Variants in THRB observed in about 807,000 individuals in gnomAD.
The protein encoded by THRB is nuclear receptor subfamily 1 group A member 2.
In THRB, 12 loss-of-function variants were observed where a neutral mutation model predicts 47.8. That is an observed-to-expected ratio of 0.25 (90% confidence interval 0.16 to 0.41). THRB has a LOEUF of 0.41. Ranked by LOEUF, THRB falls within the 10% of genes least tolerant of loss-of-function variation. The probability of loss-of-function intolerance (pLI) is 1.00; values close to 1 mark genes in which losing one functional copy is unlikely to be tolerated. For missense variants in THRB, 348 were observed against 589.2 expected (o/e 0.59, Z 4.24); for synonymous variants, 218 against 212.2 (o/e 1.03, Z -0.24).
chr3:24,355,369 C>T (rs902171066), intron 1 of THRB, among the ~76,000 whole-genome samples: 5 of 152,094 alleles, frequency 3.3e-5, no homozygotes, highest in African/African-American at 9.7e-5. Context: ...TGAGACATGA[C>T]GACCAAATGC....
intron 1 of THRB, among the ~76,000 whole-genome samples, chr3:24,340,468 T>C (rs550471367): frequency 4.0e-5 from 6 of 150,962 alleles, no homozygotes; most frequent in South Asian, 2.1e-4. Context: ...GCTAGATTGA[T>C]TGCATTGTAT....
intron 1 of THRB, among the ~76,000 whole-genome samples, chr3:24,351,455 T>C (rs996308414): frequency 1.3e-5 from 2 of 152,128 alleles, no homozygotes; most frequent in Non-Finnish European, 2.9e-5. Flanking sequence ...CATTGTCTTC[T>C]AGACAATGGT....
chr3:24,289,322 A>G (rs1250890010), intron 3 of THRB, among the ~76,000 whole-genome samples: 1 of 152,276 alleles, frequency 6.6e-6, no homozygotes. Context: ...AAAGACAAAC[A>G]CAAGTTCAAA....
At chr3:24,357,867 C>T (rs553894325) in intron 1 of THRB, among the ~76,000 whole-genome samples, 1 of 152,202 alleles carries the variant, frequency 6.6e-6, no homozygotes, top group Non-Finnish European at 1.5e-5. Flanking sequence ...TTTTGTTTTT[C>T]TGAAAACTTT....
chr3:24,477,701 C>T lies in THRB; in HGVS notation c.-261+16951G>A, dbSNP rs371758525. On this transcript the variant is annotated intron_variant, in intron 1 of 10. Transcript: ENST00000646209. ...AAAGCAAGGGTCCTAACGCAGGATA[C>T]GTACAGCACACACAAGGCAGCAAAA... is the stretch of plus-strand genomic sequence containing the variant. Among the ~76,000 whole-genome samples the T allele has an allele frequency of 7.9e-5, 12 of 152,050 alleles. No homozygotes were observed. The South Asian group carries it at 2.3e-3, about 29-fold the overall frequency.
chr3:24,209,137 G>A (rs537788714), intron 4 of THRB, among the ~76,000 whole-genome samples: 77 of 152,282 alleles, frequency 5.1e-4, no homozygotes, highest in African/African-American at 1.6e-3. Flanking sequence ...ACAATGAGAT[G>A]CCATCTCACA....
At chr3:24,123,342 A>C (rs1012420802) in intron 10 of THRB, among the ~76,000 whole-genome samples, 1 of 152,220 alleles carries the variant, frequency 6.6e-6, no homozygotes, top group Non-Finnish European at 1.5e-5. Flanking sequence ...TCAGATAAAT[A>C]TCTCTGTTTA....
chr3:24,129,933 TG>T (rs1334820399), intron 9 of THRB, among the ~76,000 whole-genome samples: 6 of 152,204 alleles, frequency 3.9e-5, no homozygotes, highest in African/African-American at 1.4e-4. Context: ...ACAATTATCA[TG>T]AACACAGTTT....
At chr3:24,467,480 G>T (rs943453981) in intron 1 of THRB, among the ~76,000 whole-genome samples, 1 of 152,134 alleles carries the variant, frequency 6.6e-6, no homozygotes, top group African/African-American at 2.4e-5. Flanking sequence ...TATCTATGCA[G>T]CTATAGCCTT....
At chr3:24,379,835 C>G (rs1411238124) in intron 1 of THRB, among the ~76,000 whole-genome samples, 1 of 151,900 alleles carries the variant, frequency 6.6e-6, no homozygotes, top group East Asian at 1.9e-4. Flanking sequence ...AGGTTCCCCC[C>G]TTATCCCCTT....
chr3:24,219,367 G>C (rs1346447084), intron 4 of THRB, among the ~76,000 whole-genome samples: 2 of 152,208 alleles, frequency 1.3e-5, no homozygotes, highest in African/African-American at 4.8e-5. Flanking sequence ...AGAGAAACAA[G>C]TTTCCTCATG....
At chr3:24,330,305 CTCCG>C (rs950225360) in intron 2 of THRB, among the ~76,000 whole-genome samples, 1 of 150,916 alleles carries the variant, frequency 6.6e-6, no homozygotes, top group Non-Finnish European at 1.5e-5. Flanking sequence ...CAGAGCGAGA[CTCCG>C]TCTCAAATAA....
At chr3:24,216,873 T>C (rs2046619735) in intron 4 of THRB, among the ~76,000 whole-genome samples, 1 of 152,072 alleles carries the variant, frequency 6.6e-6, no homozygotes, top group Non-Finnish European at 1.5e-5. Flanking sequence ...TCATTATGCA[T>C]TGCTGAGTTC....
At position 24,313,612 on chromosome 3, in the gene THRB, C is replaced by A. The variant is rs1189894552; in HGVS notation, c.-188-16241G>T. ...TGTTATTTAGTGTTATCCCTTTTCA[C>A]TTGATATATAGTTACTTTTCTTCCC... On this transcript the variant is annotated intron_variant, in intron 2 of 10. Coordinates refer to ENST00000646209, the MANE Select transcript of THRB (RefSeq NM_001354712.2). Among the ~76,000 whole-genome samples the A allele has an allele frequency of 4.6e-5, 7 of 152,156 alleles. No individual in the cohort carries two copies. The East Asian group carries it at 1.3e-3, about 29-fold the overall frequency.
chr3:24,429,187 C>T lies in THRB; in HGVS notation c.-261+65465G>A, dbSNP rs907295290. Reference sequence around the variant, plus strand: ...TTATGAGGTATTCAAGAAGAGGTAGCACAGAGTTGGGGAGGAGACATAAAT... The same window carrying T: ...TTATGAGGTATTCAAGAAGAGGTAGTACAGAGTTGGGGAGGAGACATAAAT... On this transcript the variant is annotated intron_variant, in intron 1 of 10. Transcript: ENST00000646209. 2.0e-5 allele frequency among the ~76,000 whole-genome samples: 3 copies of T among 151,034 alleles called. No homozygotes were observed. In the Admixed American group the frequency reaches 2.0e-4, roughly 10 times the overall value.
intron 1 of THRB, among the ~76,000 whole-genome samples, chr3:24,363,704 T>C (rs2064239381): frequency 6.6e-6 from 1 of 152,216 alleles, no homozygotes; most frequent in South Asian, 2.1e-4. Context: ...GAGTTTCTTA[T>C]GTCCTTCATA....
chr3:24,490,211 C>G (rs145722711), intron 1 of THRB, among the ~76,000 whole-genome samples: 1 of 152,272 alleles, frequency 6.6e-6, no homozygotes, highest in Non-Finnish European at 1.5e-5. Flanking sequence ...TATTTGTAGA[C>G]TGAATGAGGA....
intron 2 of THRB, among the ~76,000 whole-genome samples, chr3:24,306,333 G>A (rs908253632): frequency 6.6e-6 from 1 of 152,200 alleles, no homozygotes. Context: ...CCACAGGGAG[G>A]AGGCAGGAAT....
chr3:24,390,028 T>C (rs530893144), intron 1 of THRB, among the ~76,000 whole-genome samples: 1 of 152,250 alleles, frequency 6.6e-6, no homozygotes, highest in Admixed American at 6.5e-5. Context: ...GAACCAGAGA[T>C]GTCTCAAGGC....
Sources: allele counts gnomAD v4.1 joint callset (sites outside exome capture counted in the v4.1 genomes callset), GRCh38; gene constraint gnomAD v4.1.1; transcripts MANE v1.5; gene names NCBI Gene and HGNC (gene_info 2026-07-23, HGNC 2026-07-21).